The following BMP5 variants were observed in gnomAD, a reference collection of about 807,000 sequenced individuals.
BMP5 encodes the protein bone morphogenetic protein 5.
Under a neutral mutation model 46.6 loss-of-function variants are expected in BMP5, and 23 were observed. The observed-to-expected ratio is 0.49, with a 90% CI of 0.35 to 0.70. The LOEUF is 0.70. Among genes scored for constraint, BMP5 ranks in the 30% least tolerant of loss-of-function variants. The pLI, the probability that BMP5 is intolerant of heterozygous loss-of-function variation, is 0.00. For synonymous variants in BMP5, 204 were observed against 191.9 expected, an observed-to-expected ratio of 1.06 and a Z score of -0.52; for missense variants, 545 against 565.6, an observed-to-expected ratio of 0.96 and a Z score of 0.37.
At chr6:55,809,015 G>A (rs915749537) in intron 2 of BMP5, among the ~76,000 whole-genome samples, 4 of 152,052 alleles carry the variant, frequency 2.6e-5, no homozygotes, top group Non-Finnish European at 4.4e-5. Flanking sequence ...TAATTTCAAC[G>A]CTGACTTGCT....
intron 3 of BMP5, among the ~76,000 whole-genome samples, chr6:55,777,749 CAG>C (rs1181217283): frequency 6.6e-6 from 1 of 151,788 alleles, no homozygotes; most frequent in Non-Finnish European, 1.5e-5. Flanking sequence ...GTCTATAACT[CAG>C]AGTTACTTCT....
Position 55,875,062 on chromosome 6 carries a change from A to G in BMP5, c.-197T>C. 1.7e-6 allele frequency: 1 copy of G among 593,710 alleles called. No individual in the cohort carries two copies. The highest frequency in any genetic ancestry group is 2.1e-5 in the South Asian group (1 of 46,592). 36.8% of individuals were successfully genotyped at this position (593,710 alleles called of 1,614,324 possible). Reference sequence around the variant, plus strand: ...ATTTTAAATATTTTGGAATATGTCAAGAGTAGTTATTTCTAAGAAAGCTGA... The same window carrying G: ...ATTTTAAATATTTTGGAATATGTCAGGAGTAGTTATTTCTAAGAAAGCTGA... On this transcript the variant is annotated 5_prime_UTR_variant, in exon 1 of 7. Coordinates refer to ENST00000370830, the MANE Select transcript of BMP5 (RefSeq NM_021073.4).
chr6:55,827,824 T>C (rs1294999071), intron 1 of BMP5, among the ~76,000 whole-genome samples: 4 of 151,888 alleles, frequency 2.6e-5, no homozygotes, highest in Admixed American at 2.0e-4. Context: ...GTATATTTAC[T>C]ACACAAATAA....
chr6:55,759,089 G>C lies in BMP5; in HGVS notation c.1131C>G (p.Tyr377Ter), dbSNP rs184900087. Residue 377 changes from tyrosine (Y) to a stop codon, truncating the protein, a stop_gained, in exon 6 of 7, where the codon TAC (tyrosine) becomes TAG (stop). Transcript: ENST00000370830. LOFTEE classifies it high-confidence loss of function. The stretch of plus-strand genomic sequence containing the variant: ...ATTCTCCATCACAATAAAATGCAGC[G>C]TATCCTTCTGGTGCTATAATCCAGT... ...WQDWIIAPEG[Y>*]AAFYCDGECS... 7.3e-7 allele frequency: 1 copy of C among 1,362,056 alleles called. No homozygotes were observed. Among genetic ancestry groups the C allele is most frequent in the Non-Finnish European group, 9.7e-7 (1 of 1,034,688 alleles). 84.4% of individuals were successfully genotyped at this position (1,362,056 alleles called of 1,614,324 possible).
intron 2 of BMP5, among the ~76,000 whole-genome samples, chr6:55,806,495 G>A (rs191709340): frequency 6.6e-6 from 1 of 152,268 alleles, no homozygotes; most frequent in Admixed American, 6.5e-5. Context: ...TTTGAAGTTA[G>A]GTAGCATGAT....
At chr6:55,797,135 A>G (rs1381199551) in intron 2 of BMP5, among the ~76,000 whole-genome samples, 1 of 152,150 alleles carries the variant, frequency 6.6e-6, no homozygotes, top group Non-Finnish European at 1.5e-5. Context: ...TAATTCTGTA[A>G]TTTTTACTCA....
intron 2 of BMP5, among the ~76,000 whole-genome samples, chr6:55,806,600 G>T (rs1205377238): frequency 6.6e-6 from 1 of 152,144 alleles, no homozygotes; most frequent in African/African-American, 2.4e-5. Flanking sequence ...TTCTAATTCT[G>T]TGGGGAATGC....
chr6:55,842,519 AGT>A (rs1443985804), intron 1 of BMP5, among the ~76,000 whole-genome samples: 2 of 152,088 alleles, frequency 1.3e-5, no homozygotes, highest in African/African-American at 4.8e-5. Flanking sequence ...CTTTATTTAT[AGT>A]GTCTTTCCTA....
intron 1 of BMP5, among the ~76,000 whole-genome samples, chr6:55,827,353 T>C (rs1405937429): frequency 6.6e-6 from 1 of 151,692 alleles, no homozygotes; most frequent in Non-Finnish European, 1.5e-5. Context: ...CTAGATGTCA[T>C]TGTGGTTTTT....
At chr6:55,871,132 A>G (rs1201869910) in intron 1 of BMP5, among the ~76,000 whole-genome samples, 1 of 151,926 alleles carries the variant, frequency 6.6e-6, no homozygotes, top group East Asian at 1.9e-4. Context: ...TAAATATTGT[A>G]AGCAAATTAT....
rs35612918 is a variant in BMP5 at position 55,794,406 on chromosome 6, T to C, written c.705A>G (p.Leu235=). The change falls in exon 3 of 7, where the codon TTA becomes TTG. Residue 235 remains leucine (L), a synonymous_variant. Transcript: ENST00000370830. ...CTAAAGCTTGGGCCTTTCTTGTGTC[T>C]AACAAGAACAGATCTGCATCCCTAA... ...YTNRDADLFL[L]DTRKAQALDV... 4.3e-5 allele frequency: 70 copies of C among 1,613,910 alleles called. No individual in the cohort carries two copies. In the African/African-American group the frequency reaches 9.2e-4, roughly 21 times the overall value.
chr6:55,850,178 A>G (rs9475428), intron 1 of BMP5, among the ~76,000 whole-genome samples: 73,778 of 151,934 alleles, frequency 0.49, 20,858 homozygotes, highest in African/African-American at 0.79. Context: ...GCTTTTATTC[A>G]TCTGTAAAAT....
intron 3 of BMP5, among the ~76,000 whole-genome samples, chr6:55,782,391 T>A (rs2127524611): frequency 6.6e-6 from 1 of 152,318 alleles, no homozygotes; most frequent in Non-Finnish European, 1.5e-5. Context: ...CTTCACCATT[T>A]TTTCATGTAT....
At chr6:55,758,398 C>T (rs1240267875) in intron 6 of BMP5, among the ~76,000 whole-genome samples, 3 of 151,738 alleles carry the variant, frequency 2.0e-5, no homozygotes, top group African/African-American at 7.3e-5. Context: ...CACGTCAACC[C>T]TTCAGTACAT....
At chr6:55,870,830 T>A (rs1777769026) in intron 1 of BMP5, among the ~76,000 whole-genome samples, 1 of 152,122 alleles carries the variant, frequency 6.6e-6, no homozygotes, top group Non-Finnish European at 1.5e-5. Flanking sequence ...AATATGTTTT[T>A]ATATTTAAAA....
At chr6:55,867,575 C>T (rs1777679808) in intron 1 of BMP5, among the ~76,000 whole-genome samples, 2 of 152,116 alleles carry the variant, frequency 1.3e-5, no homozygotes, top group Non-Finnish European at 2.9e-5. Context: ...AACATGTAAT[C>T]AAACATGTAG....
Position 55,754,325 on chromosome 6 carries a change from C to CACACACATGCACACACAG in BMP5, c.*1207_*1208insCTGTGTGTGCATGTGTGT, listed in dbSNP as rs1554172968. On this transcript the variant is annotated 3_prime_UTR_variant, in exon 7 of 7. Transcript: ENST00000370830. ...GGAAGAACACACATGCACACACAGA[C>CACACACATGCACACACAG]ACACACACACACACACACACAACAG... 2.2e-4 allele frequency: 1 copy of CACACACATGCACACACAG among 4,464 alleles called. No individual in the cohort carries two copies. The highest frequency in any genetic ancestry group is 3.6e-4 in the Non-Finnish European group (1 of 2,788). The allele number at this position is 4,464 out of a possible 1,614,324, so 0.3% of individuals were successfully genotyped here.
rs1353830500 is a variant in BMP5 at position 55,778,963 on chromosome 6, G to A, written c.833-4720C>T. 7.2e-5 allele frequency among the ~76,000 whole-genome samples: 11 copies of A among 152,154 alleles called. No homozygotes were observed. In the East Asian group the frequency reaches 2.1e-3, roughly 29 times the overall value. On this transcript the variant is annotated intron_variant, in intron 3 of 6. Coordinates refer to ENST00000370830, the MANE Select transcript of BMP5 (RefSeq NM_021073.4). Reference sequence around the variant, plus strand: ...CAACTGAAACTATTTCAAATTTATAGTCACAGGGAAGGTAGACTGGCAAAC... The same window carrying A: ...CAACTGAAACTATTTCAAATTTATAATCACAGGGAAGGTAGACTGGCAAAC...
intron 1 of BMP5, among the ~76,000 whole-genome samples, chr6:55,858,023 C>T (rs985767696): frequency 1.3e-5 from 2 of 152,218 alleles, no homozygotes; most frequent in African/African-American, 2.4e-5. Context: ...CAGGCATGCA[C>T]CACCACACTT....
Sources: gnomAD v4.1 joint callset for allele counts (sites outside exome capture counted in the v4.1 genomes callset) on GRCh38, gnomAD v4.1.1 for gene constraint, MANE v1.5 for transcripts, NCBI Gene and HGNC (gene_info 2026-07-23, HGNC 2026-07-21) for gene names.